EPSTI1: variants seen among roughly 807,000 people sequenced by gnomAD.
The protein encoded by EPSTI1 is epithelial stromal interaction 1, also known as epithelial-stromal interaction protein 1.
In EPSTI1, 66 loss-of-function variants were observed where a neutral mutation model predicts 49.9. The observed-to-expected ratio is 1.32, with a 90% CI of 1.08 to 1.62. The LOEUF is 1.62. Ranked by LOEUF, EPSTI1 falls within the 40% of genes most tolerant of loss-of-function variation. The probability of loss-of-function intolerance (pLI) is 0.00; values close to 1 mark genes in which losing one functional copy is unlikely to be tolerated. For missense variants in EPSTI1, 394 were observed against 365.5 expected (o/e 1.08, Z -0.64); for synonymous variants, 137 against 130.7 (o/e 1.05, Z -0.33).
chr13:42,897,448 C>A (rs182467599), intron 9 of EPSTI1, among the ~76,000 whole-genome samples: 64 of 152,340 alleles, frequency 4.2e-4, no homozygotes, highest in Admixed American at 2.7e-3. Flanking sequence ...CCGTGTTTTG[C>A]CCTATTCCCG....
chr13:42,977,312 T>G (rs956878150), intron 1 of EPSTI1, among the ~76,000 whole-genome samples: 5 of 152,240 alleles, frequency 3.3e-5, no homozygotes, highest in Non-Finnish European at 7.3e-5. Context: ...ACATTCACTC[T>G]CACTTCCTCC....
intron 10 of EPSTI1, among the ~76,000 whole-genome samples, chr13:42,893,664 C>G (rs1414332322): frequency 6.6e-6 from 1 of 152,192 alleles, no homozygotes; most frequent in Non-Finnish European, 1.5e-5. Flanking sequence ...GAAGCCTATG[C>G]AATATCCATT....
At chr13:42,918,744 G>A (rs2037909327) in intron 7 of EPSTI1, among the ~76,000 whole-genome samples, 1 of 152,152 alleles carries the variant, frequency 6.6e-6, no homozygotes, top group Admixed American at 6.5e-5. Context: ...TGCTGCATTG[G>A]GCAGGTAAAC....
In EPSTI1 at chr13:42,954,003, T is replaced by C; in HGVS notation, c.508A>G (p.Lys170Glu). ...CTAAGGTTTTCTTGAAGTCTTTTTTTCTCCTCCAGTTTATTGCTCTGAAAT... is the reference window on the plus strand; with the variant it reads ...CTAAGGTTTTCTTGAAGTCTTTTTTCCTCCTCCAGTTTATTGCTCTGAAAT... ...QREKSNKLEEKKRLQENLRRE... is the reference protein window; with the variant it reads ...QREKSNKLEEEKRLQENLRRE... Residue 170 changes from lysine to glutamate, a missense_variant, in exon 6 of 11, where the codon AAA (lysine) becomes GAA (glutamate). By Grantham distance (56) the Lys-to-Glu change is moderately conservative. Transcript: ENST00000313624. 6.2e-7 allele frequency: 1 copy of C among 1,612,382 alleles called. No individual in the cohort carries two copies.
chr13:42,931,941 G>T (rs1227583916), intron 6 of EPSTI1, among the ~76,000 whole-genome samples: 1 of 151,970 alleles, frequency 6.6e-6, no homozygotes, highest in African/African-American at 2.4e-5. Flanking sequence ...TCTAATATAG[G>T]TTCCCATAAA....
intron 8 of EPSTI1, among the ~76,000 whole-genome samples, chr13:42,909,343 T>A (rs1486486939): frequency 6.6e-6 from 1 of 151,430 alleles, no homozygotes; most frequent in Non-Finnish European, 1.5e-5. Context: ...TTGTGGGGGG[T>A]GTAAATTAGT....
At chr13:42,893,679 C>T (rs886546543) in intron 10 of EPSTI1, among the ~76,000 whole-genome samples, 1 of 152,206 alleles carries the variant, frequency 6.6e-6, no homozygotes, top group Non-Finnish European at 1.5e-5. Context: ...TCCATTTATG[C>T]TCTCCCATCA....
At chr13:42,965,770 C>A (rs1435758313) in intron 3 of EPSTI1, among the ~76,000 whole-genome samples, 979 of 4,126 alleles carry the variant, frequency 0.24, 220 homozygotes, top group East Asian at 0.78. Context: ...CCTCTCCCTC[C>A]TCTCCCTCTC....
At chr13:42,916,662 T>C (rs2037840171) in intron 8 of EPSTI1, among the ~76,000 whole-genome samples, 2 of 152,182 alleles carry the variant, frequency 1.3e-5, no homozygotes, top group Admixed American at 1.3e-4. Context: ...ATTATAGAAC[T>C]GAATATACAG....
chr13:42,889,194 G>T, intron 10 of EPSTI1: 1 of 1,567,404 alleles, frequency 6.4e-7, no homozygotes, highest in Admixed American at 2.0e-5. Context: ...TTAAAGGGAT[G>T]TTTTTAAGTG....
intron 3 of EPSTI1, among the ~76,000 whole-genome samples, chr13:42,965,304 G>A (rs1168868192): frequency 1.3e-5 from 2 of 152,098 alleles, no homozygotes; most frequent in African/African-American, 4.8e-5. Flanking sequence ...ATACATTCTA[G>A]AATTTTCTTT....
intron 8 of EPSTI1, among the ~76,000 whole-genome samples, chr13:42,902,074 A>G (rs2037377243): frequency 6.6e-6 from 1 of 152,180 alleles, no homozygotes; most frequent in Non-Finnish European, 1.5e-5. Context: ...AATTTCATCC[A>G]TGTCCCTACA....
intron 7 of EPSTI1, among the ~76,000 whole-genome samples, chr13:42,920,685 G>T (rs191009958): frequency 6.6e-6 from 1 of 152,240 alleles, no homozygotes. Flanking sequence ...GTATTTTCTG[G>T]ATAAACTAAA....
At chr13:42,968,944 A>ACC in intron 3 of EPSTI1, 150 bp downstream of exon 3, 1 of 720,576 alleles carries the variant, frequency 1.4e-6, no homozygotes, top group East Asian at 2.8e-5. Context: ...ACACACACAC[A>ACC]CACACACACA....
intron 6 of EPSTI1, among the ~76,000 whole-genome samples, chr13:42,946,129 C>T (rs912606095): frequency 6.6e-6 from 1 of 152,122 alleles, no homozygotes; most frequent in African/African-American, 2.4e-5. Context: ...TATTGGAAGG[C>T]AAACTTGGTG....
At chr13:42,979,993 A>T (rs1233840637) in intron 1 of EPSTI1, among the ~76,000 whole-genome samples, 2 of 152,166 alleles carry the variant, frequency 1.3e-5, no homozygotes, top group Non-Finnish European at 2.9e-5. Flanking sequence ...CTATGAGCTC[A>T]GACAATTTCC....
At chr13:42,932,222 T>C (rs2038400247) in intron 6 of EPSTI1, among the ~76,000 whole-genome samples, 1 of 152,150 alleles carries the variant, frequency 6.6e-6, no homozygotes, top group South Asian at 2.1e-4. Flanking sequence ...CACGAGCCAC[T>C]GTGCTCAGTC....
chr13:42,974,431 G>C (rs1566174522), intron 1 of EPSTI1, among the ~76,000 whole-genome samples: 1 of 152,226 alleles, frequency 6.6e-6, no homozygotes, highest in Non-Finnish European at 1.5e-5. Context: ...GCCAGGGCGG[G>C]CGGATCACGA....
chr13:42,989,287 A>T (rs939758677), intron 1 of EPSTI1, among the ~76,000 whole-genome samples: 1 of 151,988 alleles, frequency 6.6e-6, no homozygotes, highest in African/African-American at 2.4e-5. Context: ...AAAAATTAAA[A>T]CCCTATGAAG....
Sources: allele counts gnomAD v4.1 joint callset (sites outside exome capture counted in the v4.1 genomes callset), GRCh38; gene constraint gnomAD v4.1.1; transcripts MANE v1.5; gene names NCBI Gene and HGNC (gene_info 2026-07-23, HGNC 2026-07-21).